The following RAPGEF1 variants were observed in gnomAD, a reference collection of about 807,000 sequenced individuals.
RAPGEF1 encodes the protein Rap guanine nucleotide exchange factor 1.
A neutral mutation model predicts 143.3 loss-of-function variants in RAPGEF1; 33 were observed. That is an observed-to-expected ratio of 0.23 (90% CI 0.17 to 0.31). The LOEUF is 0.31. RAPGEF1 is among the 10% of genes least tolerant of loss of function. The pLI is 1.00. For missense variants in RAPGEF1, 1,199 were observed against 1,645.4 expected, an observed-to-expected ratio of 0.73 and a Z score of 4.69; for synonymous variants, 629 against 676.5, an observed-to-expected ratio of 0.93 and a Z score of 1.09.
In RAPGEF1 at chr9:131,714,710, T is replaced by A. The variant is rs1337912000; in HGVS notation, c.61+25060A>T. On this transcript the variant is annotated intron_variant, in intron 1 of 26. Coordinates refer to ENST00000683357, the MANE Select transcript of RAPGEF1 (RefSeq NM_001377935.1). Reference sequence around the variant, plus strand: ...TGGGGTCCTCTAGACTCTGCCTTTTTTTTTTTTTTTTTTTTTTGAGACAGT... The same window carrying A: ...TGGGGTCCTCTAGACTCTGCCTTTTATTTTTTTTTTTTTTTTTGAGACAGT... 4.2e-4 allele frequency among the ~76,000 whole-genome samples: 61 copies of A among 143,606 alleles called. No homozygotes were observed. In the Middle Eastern group the frequency reaches 0.011, roughly 25 times the overall value. The allele number at this position is 143,606 out of a possible 152,430, so 94.2% of individuals were successfully genotyped here.
At chr9:131,593,542 A>C (rs915755884) in intron 17 of RAPGEF1, among the ~76,000 whole-genome samples, 1 of 152,126 alleles carries the variant, frequency 6.6e-6, no homozygotes, top group African/African-American at 2.4e-5. Context: ...CTTCTCCCTC[A>C]TTCCCGAGCT....
At chr9:131,732,360 A>G (rs4991743) in intron 1 of RAPGEF1, among the ~76,000 whole-genome samples, 136,781 of 152,286 alleles carry the variant, frequency 0.9, 61,591 homozygotes, top group African/African-American at 0.95. Context: ...AACGAGCATT[A>G]CCTAAGAGCG....
intron 1 of RAPGEF1, among the ~76,000 whole-genome samples, chr9:131,698,169 G>A (rs1834335607): frequency 6.6e-6 from 1 of 152,160 alleles, no homozygotes; most frequent in Non-Finnish European, 1.5e-5. Context: ...GCCACAACAA[G>A]ATGATCACCT....
chr9:131,663,962 G>A (rs951360431), intron 1 of RAPGEF1, among the ~76,000 whole-genome samples: 1 of 152,060 alleles, frequency 6.6e-6, no homozygotes, highest in African/African-American at 2.4e-5. Context: ...ATTATTCCTC[G>A]ATATTTATTG....
intron 26 of RAPGEF1, among the ~76,000 whole-genome samples, 160 bp from the exon 27 acceptor site, chr9:131,579,807 A>G (rs887607753): frequency 1.3e-5 from 2 of 152,206 alleles, no homozygotes; most frequent in Non-Finnish European, 2.9e-5. Context: ...AGGGGACACC[A>G]GTGCTCAGAG....
At position 131,655,877 on chromosome 9, in the gene RAPGEF1, G is replaced by A. The variant is rs1253605682; in HGVS notation, c.62-4928C>T. Among the ~76,000 whole-genome samples, 3 of 151,990 alleles carry A rather than the reference G, an allele frequency of 2.0e-5. No individual in the cohort carries two copies. The highest frequency in any genetic ancestry group is 6.5e-5 in the Admixed American group (1 of 15,272). On this transcript the variant is annotated intron_variant, in intron 1 of 26. Coordinates refer to ENST00000683357, the MANE Select transcript of RAPGEF1 (RefSeq NM_001377935.1). This position sits in a 1 kb window ranked among gnomAD's most constrained non-coding sequence, Gnocchi z 4.1. ...GCTGAGATTACAGGTGTGAGCCACC[G>A]CGCCCGGCCAAAAAATTTTCTAAAA...
intron 1 of RAPGEF1, among the ~76,000 whole-genome samples, chr9:131,709,336 A>G (rs963060950): frequency 2.4e-4 from 36 of 152,078 alleles, no homozygotes; most frequent in Admixed American, 2.4e-3. Flanking sequence ...ACAGAACGAG[A>G]CTCCATTTCA....
chr9:131,628,683 C>G lies in RAPGEF1; in HGVS notation c.894-11G>C. ...AATGCTGGTGGAGGACTGAAACAGACCGAAACGTCCAGGCAGACCAAACCA... is the reference window on the plus strand; with the variant it reads ...AATGCTGGTGGAGGACTGAAACAGAGCGAAACGTCCAGGCAGACCAAACCA... On this transcript the variant is annotated splice_polypyrimidine_tract_variant and intron_variant, in intron 7 of 26. Coordinates refer to ENST00000683357, the MANE Select transcript of RAPGEF1 (RefSeq NM_001377935.1). This position sits in a 1 kb window ranked among gnomAD's most constrained non-coding sequence, Gnocchi z 5.7. 1.9e-6 allele frequency: 3 copies of G among 1,592,442 alleles called. No individual in the cohort carries two copies. The highest frequency in any genetic ancestry group is 1.7e-4 in the Middle Eastern group (1 of 5,962).
At chr9:131,591,677 C>T (rs376554916) in intron 18 of RAPGEF1, among the ~76,000 whole-genome samples, 20 of 152,184 alleles carry the variant, frequency 1.3e-4, no homozygotes, top group Non-Finnish European at 2.4e-4. Context: ...TGGTATCCTT[C>T]GTGCCCAACG....
intron 1 of RAPGEF1, among the ~76,000 whole-genome samples, chr9:131,726,117 C>T (rs923393761): frequency 6.6e-6 from 1 of 151,978 alleles, no homozygotes; most frequent in African/African-American, 2.4e-5. Context: ...AGCAAACAGA[C>T]AGATAGTCAG....
chr9:131,604,367 G>C (rs976533148), intron 13 of RAPGEF1, among the ~76,000 whole-genome samples: 3 of 152,200 alleles, frequency 2.0e-5, no homozygotes, highest in Non-Finnish European at 4.4e-5. Context: ...ATACTGGGGA[G>C]TGGGGTCCGC....
chr9:131,631,771 C>CA (rs892790086), intron 5 of RAPGEF1, among the ~76,000 whole-genome samples: 3 of 152,042 alleles, frequency 2.0e-5, no homozygotes, highest in Non-Finnish European at 2.9e-5. Flanking sequence ...CTTTCGAAAA[C>CA]AAAAAAACTA....
At chr9:131,677,051 C>A (rs146280501) in intron 1 of RAPGEF1, among the ~76,000 whole-genome samples, 1 of 152,232 alleles carries the variant, frequency 6.6e-6, no homozygotes, top group Non-Finnish European at 1.5e-5. Flanking sequence ...TCCTTCCTTA[C>A]GGCCTCCTAT....
intron 22 of RAPGEF1, among the ~76,000 whole-genome samples, chr9:131,586,710 C>T (rs1386985717): frequency 9.3e-6 from 1 of 107,260 alleles, no homozygotes; most frequent in Non-Finnish European, 1.8e-5. Context: ...ACACACACAC[C>T]TGCAGAGCGA....
In RAPGEF1 at chr9:131,635,330, G is replaced by A. The variant is rs536440987; in HGVS notation, c.651+3305C>T. Among the ~76,000 whole-genome samples, 12 of 152,104 alleles carry A rather than the reference G, an allele frequency of 7.9e-5. No homozygotes were observed. In the South Asian group the frequency reaches 1.9e-3, roughly 24 times the overall value. On this transcript the variant is annotated intron_variant, in intron 5 of 26. Transcript: ENST00000683357. ...TACAGCTTGAACAAGTGGCATTTAT[G>A]TGGAGGTTTAAATGATAAATGCTAC...
intron 1 of RAPGEF1, among the ~76,000 whole-genome samples, chr9:131,695,457 G>C (rs1834100011): frequency 6.6e-6 from 1 of 152,216 alleles, no homozygotes; most frequent in East Asian, 1.9e-4. Context: ...GCCATCTGAA[G>C]CTATTCAGTG....
At chr9:131,604,835 T>C in intron 13 of RAPGEF1, 96 bp downstream of exon 13, 4 of 1,209,242 alleles carry the variant, frequency 3.3e-6, no homozygotes, top group South Asian at 1.5e-5. Context: ...GGCAGTGTCT[T>C]TCAGGAACGT....
intron 20 of RAPGEF1, among the ~76,000 whole-genome samples, chr9:131,588,495 A>G (rs1270792427): frequency 1.3e-5 from 2 of 152,212 alleles, no homozygotes; most frequent in African/African-American, 4.8e-5. Flanking sequence ...GGCATCAACC[A>G]CTGCCATGTT....
chr9:131,628,601 G>A lies in RAPGEF1; in HGVS notation c.965C>T (p.Pro322Leu), dbSNP rs1366522869. The A allele has an allele frequency of 3.7e-6, 6 of 1,613,234 alleles. No homozygotes were observed. Among genetic ancestry groups the A allele is most frequent in the Admixed American group, 3.3e-5 (2 of 60,016 alleles). The change falls in exon 8 of 27, where the codon CCC (proline) becomes CTC (leucine). Residue 322 changes from proline to leucine, a missense_variant. Around this residue, in one of 6 missense-constraint regions of RAPGEF1, gnomAD observed 613 missense variants for 710.9 expected, o/e 0.86. Coordinates refer to ENST00000683357, the MANE Select transcript of RAPGEF1 (RefSeq NM_001377935.1). This position sits in a 1 kb window ranked among gnomAD's most constrained non-coding sequence, Gnocchi z 5.7. The stretch of plus-strand genomic sequence containing the variant: ...GGAGCCACTGGTGGCTCGGCTCATG[G>A]GGGCCACCACAGCCACTCGGGTAGG... Reference protein sequence around the residue: ...PSPTRVAVVAPMSRATSGSSL... With the variant: ...PSPTRVAVVALMSRATSGSSL...
Sources: gnomAD v4.1 joint callset for allele counts (sites outside exome capture counted in the v4.1 genomes callset) on GRCh38, gnomAD v4.1.1 for gene constraint, gnomAD v4.1.1 regional missense constraint, Gnocchi (gnomAD v3.1) non-coding constraint, MANE v1.5 for transcripts, NCBI Gene and HGNC (gene_info 2026-07-23, HGNC 2026-07-21) for gene names.